Variants in ALCAM observed in about 807,000 individuals in gnomAD.
ALCAM encodes the protein activated leukocyte cell adhesion molecule.
In ALCAM, 30 loss-of-function variants were observed where a neutral mutation model predicts 70.9. That is an observed-to-expected ratio of 0.42 (90% CI 0.32 to 0.57). ALCAM has a LOEUF of 0.57. Ranked by LOEUF, ALCAM falls within the 20% of genes least tolerant of loss-of-function variation. The pLI, the probability that ALCAM is intolerant of heterozygous loss-of-function variation, is 0.11. For synonymous variants in ALCAM, 249 were observed against 242.5 expected (o/e 1.03, Z -0.25); for missense variants, 591 against 695.1 (o/e 0.85, Z 1.68).
chr3:105,373,528 A>G lies in ALCAM; in HGVS notation c.73+6047A>G, dbSNP rs1935295875. Among the ~76,000 whole-genome samples, 3 of 151,620 alleles carry G rather than the reference A, an allele frequency of 2.0e-5. No individual in the cohort carries two copies. In the South Asian group the frequency reaches 6.3e-4, roughly 32 times the overall value. ...TACCTTATTTGAACTGTGAATGAAG[A>G]AAAAAAAACTTTCCTGTACTTACTT... On this transcript the variant is annotated intron_variant, in intron 1 of 15. Transcript: ENST00000306107.
At chr3:105,498,698 G>C (rs1434780035) in intron 1 of ALCAM, among the ~76,000 whole-genome samples, 1 of 152,108 alleles carries the variant, frequency 6.6e-6, no homozygotes, top group Admixed American at 6.5e-5. Flanking sequence ...GGCTGTTAAG[G>C]AATCTAGTAA....
Position 105,547,258 on chromosome 3 carries a change from G to C in ALCAM, c.1214G>C (p.Arg405Thr), listed in dbSNP as rs1424115136. The C allele has an allele frequency of 1.9e-6, 3 of 1,601,446 alleles. No individual in the cohort carries two copies. The highest frequency in any genetic ancestry group is 2.3e-5 in the South Asian group (2 of 88,504). The change falls in exon 10 of 16, where the codon AGA (arginine) becomes ACA (threonine). Residue 405 changes from arginine to threonine, a missense_variant. Transcript: ENST00000306107. Reference sequence around the variant, plus strand: ...CAGGAGGTTGAAGGACTAAAGAAAAGAGAGTCATTGACTCTCATTGTAGAA... The same window carrying C: ...CAGGAGGTTGAAGGACTAAAGAAAACAGAGTCATTGACTCTCATTGTAGAA... ...ALQEVEGLKKRESLTLIVEGK... is the reference protein window; with the variant it reads ...ALQEVEGLKKTESLTLIVEGK...
intron 6 of ALCAM, among the ~76,000 whole-genome samples, chr3:105,539,054 T>G (rs1177720245): frequency 1.3e-5 from 2 of 152,144 alleles, no homozygotes; most frequent in Non-Finnish European, 2.9e-5. Flanking sequence ...AGATAATTTT[T>G]AGTGCCACCA....
intron 14 of ALCAM, among the ~76,000 whole-genome samples, chr3:105,562,222 G>T (rs1576243174): frequency 6.6e-6 from 1 of 152,212 alleles, no homozygotes; most frequent in African/African-American, 2.4e-5. Flanking sequence ...CAACTGTTTA[G>T]ATGTTGCCTC....
chr3:105,497,110 T>C (rs1045148572), intron 1 of ALCAM, among the ~76,000 whole-genome samples: 3 of 152,132 alleles, frequency 2.0e-5, no homozygotes, highest in Admixed American at 6.5e-5. Flanking sequence ...TAAAGTGTAT[T>C]CTCACCTAAA....
At chr3:105,402,786 T>C (rs1250542383) in intron 1 of ALCAM, among the ~76,000 whole-genome samples, 1 of 151,990 alleles carries the variant, frequency 6.6e-6, no homozygotes, top group East Asian at 1.9e-4. Flanking sequence ...CCCTACCTAG[T>C]GGTCATCCTC....
intron 1 of ALCAM, among the ~76,000 whole-genome samples, chr3:105,452,938 A>T (rs1335484155): frequency 6.6e-6 from 1 of 152,026 alleles, no homozygotes; most frequent in Non-Finnish European, 1.5e-5. Context: ...TTTCTTGTAA[A>T]TTTGTTTAAG....
intron 1 of ALCAM, among the ~76,000 whole-genome samples, chr3:105,393,332 C>T (rs561629424): frequency 6.6e-6 from 1 of 151,578 alleles, no homozygotes; most frequent in South Asian, 2.1e-4. Context: ...CCCAAACATA[C>T]AGTTAACAGA....
chr3:105,432,198 CAA>C (rs1483032883), intron 1 of ALCAM, among the ~76,000 whole-genome samples: 1 of 152,068 alleles, frequency 6.6e-6, no homozygotes, highest in African/African-American at 2.4e-5. Flanking sequence ...ATACAACTTG[CAA>C]ATTTTTCGTT....
intron 2 of ALCAM, among the ~76,000 whole-genome samples, chr3:105,523,139 C>CAAAAAAAAAAAAAAA (rs59478384): frequency 3.4e-5 from 3 of 87,022 alleles, no homozygotes; most frequent in Admixed American, 1.6e-4. Flanking sequence ...GACTCCGTCT[C>CAAAAAAAAAAAAAAA]AAAAAAAAAA....
intron 1 of ALCAM, among the ~76,000 whole-genome samples, chr3:105,501,938 C>T (rs998938605): frequency 6.6e-6 from 1 of 152,158 alleles, no homozygotes; most frequent in Non-Finnish European, 1.5e-5. Context: ...GTTGAAAACA[C>T]TTATCAATTG....
chr3:105,369,281 A>G (rs1935161926), intron 1 of ALCAM, among the ~76,000 whole-genome samples: 1 of 151,994 alleles, frequency 6.6e-6, no homozygotes, highest in African/African-American at 2.4e-5. Flanking sequence ...TACACATTTA[A>G]CTGCTAAAAG....
intron 1 of ALCAM, among the ~76,000 whole-genome samples, chr3:105,450,219 C>T (rs1056690500): frequency 6.6e-6 from 1 of 152,060 alleles, no homozygotes; most frequent in African/African-American, 2.4e-5. Context: ...TGAGTTCTTT[C>T]CTCATCTGTT....
chr3:105,551,934 T>C (rs191067433), intron 12 of ALCAM, among the ~76,000 whole-genome samples: 1 of 151,698 alleles, frequency 6.6e-6, no homozygotes, highest in African/African-American at 2.4e-5. Context: ...ATTAATATCT[T>C]TGCAGTTGTA....
At chr3:105,376,941 T>C (rs1935393631) in intron 1 of ALCAM, among the ~76,000 whole-genome samples, 1 of 152,130 alleles carries the variant, frequency 6.6e-6, no homozygotes, top group Non-Finnish European at 1.5e-5. Context: ...TTCCTTGAAG[T>C]TGTTCAAATA....
In ALCAM at chr3:105,494,570, A is replaced by T. The variant is rs149133505; in HGVS notation, c.74-25497A>T. Among the ~76,000 whole-genome samples the T allele has an allele frequency of 9.1e-3, 1,377 of 152,034 alleles. 17 individuals carry two copies. The highest frequency in any genetic ancestry group is 0.015 in the African/African-American group (631 of 41,486). ...AGACATCCTGCTGATTTTGTCAGAC[A>T]ACAATTCTTTCTTGCTTTCTTTCCT... On this transcript the variant is annotated intron_variant, in intron 1 of 15. Transcript: ENST00000306107.
intron 1 of ALCAM, among the ~76,000 whole-genome samples, chr3:105,417,431 A>G (rs1936533639): frequency 6.6e-6 from 1 of 151,442 alleles, no homozygotes; most frequent in Non-Finnish European, 1.5e-5. Context: ...TAGATGAAAA[A>G]TAGATATTTT....
intron 1 of ALCAM, among the ~76,000 whole-genome samples, chr3:105,509,750 A>T (rs1047819537): frequency 6.6e-6 from 1 of 151,772 alleles, no homozygotes; most frequent in African/African-American, 2.4e-5. Context: ...TGCGTATTTT[A>T]ATTTTGTTGC....
intron 1 of ALCAM, among the ~76,000 whole-genome samples, chr3:105,476,559 T>A (rs900399027): frequency 6.6e-6 from 1 of 152,076 alleles, no homozygotes; most frequent in Non-Finnish European, 1.5e-5. Context: ...CCAGTTAGTA[T>A]ATTTATTCAA....
Sources: gnomAD v4.1 joint callset for allele counts (sites outside exome capture counted in the v4.1 genomes callset) on GRCh38, gnomAD v4.1.1 for gene constraint, MANE v1.5 for transcripts, NCBI Gene and HGNC (gene_info 2026-07-23, HGNC 2026-07-21) for gene names.